MAD1L1: variants seen among roughly 807,000 people sequenced by gnomAD.
The protein encoded by MAD1L1 is mitotic arrest deficient 1 like 1, also known as mitotic spindle assembly checkpoint protein MAD1.
Under a neutral mutation model 96.9 loss-of-function variants are expected in MAD1L1, and 95 were observed. That is an observed-to-expected ratio of 0.98 (90% CI 0.83 to 1.16). The LOEUF (loss-of-function observed/expected upper bound fraction) is 1.16, where lower values mean the gene tolerates loss of function less well. MAD1L1 is among the 50% of genes most tolerant of loss of function. The probability of loss-of-function intolerance (pLI) is 0.00; values close to 1 mark genes in which losing one functional copy is unlikely to be tolerated. For missense variants in MAD1L1, 1,007 were observed against 954.4 expected, an observed-to-expected ratio of 1.06 and a Z score of -0.73; for synonymous variants, 473 against 396.6, an observed-to-expected ratio of 1.19 and a Z score of -2.29.
chr7:2,053,003 G>A (rs971568945), intron 12 of MAD1L1, among the ~76,000 whole-genome samples: 3 of 152,170 alleles, frequency 2.0e-5, no homozygotes, highest in Non-Finnish European at 2.9e-5. Context: ...GAGGGAACGG[G>A]TGGGTGCCGC....
intron 7 of MAD1L1, among the ~76,000 whole-genome samples, chr7:2,217,708 C>G (rs1039510224): frequency 1.3e-5 from 2 of 152,244 alleles, no homozygotes; most frequent in Non-Finnish European, 2.9e-5. Flanking sequence ...TTGACGTCAT[C>G]ACACACACGG....
At chr7:2,082,222 G>GTGCA (rs1410041973) in intron 11 of MAD1L1, among the ~76,000 whole-genome samples, 4 of 152,068 alleles carry the variant, frequency 2.6e-5, no homozygotes, top group Middle Eastern at 3.2e-3. Context: ...TGAGGGGGCT[G>GTGCA]TGCACATCCC....
At chr7:2,210,840 C>T (rs1183905235) in intron 10 of MAD1L1, among the ~76,000 whole-genome samples, 1 of 152,188 alleles carries the variant, frequency 6.6e-6, no homozygotes, top group Non-Finnish European at 1.5e-5. Context: ...ACCTTCCTGG[C>T]CATCAGCCTC....
intron 18 of MAD1L1, among the ~76,000 whole-genome samples, chr7:1,894,044 G>C (rs115475834): frequency 0.015 from 2,272 of 152,306 alleles, 51 homozygotes; most frequent in African/African-American, 0.053. Flanking sequence ...CTCTCCATAA[G>C]CCAGGCCCTG....
Position 2,088,119 on chromosome 7 carries a change from A to C in MAD1L1, c.1074-18781T>G, listed in dbSNP as rs138346807. 1.3e-5 allele frequency among the ~76,000 whole-genome samples: 2 copies of C among 152,232 alleles called. No individual in the cohort carries two copies. The highest frequency in any genetic ancestry group is 4.8e-5 in the African/African-American group (2 of 41,506). Reference sequence around the variant, plus strand: ...CCCTTTAAAAGTCTACACACAAAGCACCCGCACAGGCTGAGTGGAAATATG... The same window carrying C: ...CCCTTTAAAAGTCTACACACAAAGCCCCCGCACAGGCTGAGTGGAAATATG... On this transcript the variant is annotated intron_variant, in intron 11 of 18. Transcript: ENST00000265854. The surrounding 1 kb of genome is among the most constrained non-coding windows in gnomAD (Gnocchi z 4.4).
intron 15 of MAD1L1, among the ~76,000 whole-genome samples, chr7:1,959,963 A>T (rs1046678958): frequency 2.6e-5 from 4 of 152,260 alleles, no homozygotes; most frequent in Non-Finnish European, 5.9e-5. Flanking sequence ...TTAATAGATT[A>T]AACAAAACTA....
intron 18 of MAD1L1, among the ~76,000 whole-genome samples, chr7:1,897,465 C>T (rs1360560685): frequency 5.9e-5 from 9 of 152,216 alleles, no homozygotes; most frequent in South Asian, 2.1e-4. Context: ...ACCAGGCCGA[C>T]GGCACCATCC....
At chr7:1,885,236 C>G (rs1004908259) in intron 18 of MAD1L1, among the ~76,000 whole-genome samples, 1 of 152,156 alleles carries the variant, frequency 6.6e-6, no homozygotes, top group African/African-American at 2.4e-5. Flanking sequence ...AGGAACTGGT[C>G]TCAGGAACCA....
intron 12 of MAD1L1, among the ~76,000 whole-genome samples, chr7:2,044,312 C>T (rs531048588): frequency 1.4e-3 from 209 of 152,200 alleles, no homozygotes; most frequent in Non-Finnish European, 2.5e-3. Flanking sequence ...CGAATGACTT[C>T]GGCTGGGTTC....
At chr7:2,229,842 C>T in intron 3 of MAD1L1, 142 bp downstream of exon 3, 1 of 900,872 alleles carries the variant, frequency 1.1e-6, no homozygotes, top group Non-Finnish European at 1.6e-6. Flanking sequence ...TGAGGAGTGC[C>T]CATAGTGAGA....
intron 11 of MAD1L1, among the ~76,000 whole-genome samples, chr7:2,126,030 A>C (rs1463983138): frequency 1.3e-5 from 2 of 152,106 alleles, no homozygotes; most frequent in African/African-American, 4.8e-5. Context: ...GCTGCTTTCC[A>C]CAGGTGGGGC....
At chr7:1,927,269 T>G (rs1487205078) in intron 17 of MAD1L1, among the ~76,000 whole-genome samples, 1 of 152,234 alleles carries the variant, frequency 6.6e-6, no homozygotes. Flanking sequence ...ATTGTGTTCA[T>G]GTATCGGAAG....
intron 16 of MAD1L1, among the ~76,000 whole-genome samples, chr7:1,942,109 G>A (rs1256458527): frequency 6.6e-6 from 1 of 152,108 alleles, no homozygotes; most frequent in African/African-American, 2.4e-5. Flanking sequence ...CCATCCACCC[G>A]CACACCTGTC....
intron 12 of MAD1L1, among the ~76,000 whole-genome samples, chr7:2,022,606 A>G (rs1166143199): frequency 4.6e-5 from 7 of 152,222 alleles, no homozygotes; most frequent in African/African-American, 1.4e-4. Context: ...ATCATATAAC[A>G]TGCTCAGTTA....
intron 14 of MAD1L1, 86 bp downstream of exon 14, chr7:2,001,979 G>T: frequency 7.0e-7 from 1 of 1,434,122 alleles, no homozygotes; most frequent in Non-Finnish European, 9.8e-7. Flanking sequence ...GGCGCCTGCA[G>T]CCTAAAGGCT....
At chr7:1,893,258 GGA>G (rs1446833769) in intron 18 of MAD1L1, among the ~76,000 whole-genome samples, 8 of 67,602 alleles carry the variant, frequency 1.2e-4, no homozygotes, top group African/African-American at 1.2e-3. Context: ...GTCCCGGCTG[GGA>G]TGGGAAGTCC....
intron 5 of MAD1L1, chr7:2,220,932 AGGGTCACCCGTGTTGTAG>A: frequency 6.2e-7 from 1 of 1,612,316 alleles, no homozygotes. Flanking sequence ...ACCTGCCCAC[AGGGTCACCCGTGTTGTAG>A]GGGACGCCGG....
chr7:2,167,070 C>T (rs1790463518), intron 10 of MAD1L1, among the ~76,000 whole-genome samples: 1 of 152,188 alleles, frequency 6.6e-6, no homozygotes, highest in Admixed American at 6.5e-5. Flanking sequence ...CTAAAGCAAC[C>T]CCGCTGTGGA....
intron 17 of MAD1L1, among the ~76,000 whole-genome samples, chr7:1,906,701 C>T (rs2128447453): frequency 6.6e-6 from 1 of 152,368 alleles, no homozygotes; most frequent in African/African-American, 2.4e-5. Context: ...CGCACTGTCA[C>T]ACCTGCCCTG....
Sources: allele counts gnomAD v4.1 joint callset (sites outside exome capture counted in the v4.1 genomes callset), GRCh38; gene constraint gnomAD v4.1.1; non-coding constraint Gnocchi (gnomAD v3.1); transcripts MANE v1.5; gene names NCBI Gene and HGNC (gene_info 2026-07-23, HGNC 2026-07-21).